The following GALNT13 variants were observed in gnomAD, a reference collection of about 807,000 sequenced individuals.
GALNT13 encodes UDP-GalNAc:polypeptide N-acetylgalactosaminyltransferase 13.
In GALNT13, 28 loss-of-function variants were observed where a neutral mutation model predicts 64.2. That is an observed-to-expected ratio of 0.44 (90% confidence interval 0.32 to 0.60). GALNT13 has a LOEUF of 0.60. Among genes scored for constraint, GALNT13 ranks in the 20% least tolerant of loss-of-function variants. The pLI, the probability that GALNT13 is intolerant of heterozygous loss-of-function variation, is 0.05. For missense variants in GALNT13, 577 were observed against 669.8 expected (o/e 0.86, Z 1.53); for synonymous variants, 214 against 224.6 (o/e 0.95, Z 0.42).
At chr2:154,284,206 A>G (rs1344726979) in intron 8 of GALNT13, among the ~76,000 whole-genome samples, 1 of 152,170 alleles carries the variant, frequency 6.6e-6, no homozygotes, top group Non-Finnish European at 1.5e-5. Flanking sequence ...AGTGCAATAG[A>G]TCACTAAAAC....
chr2:154,156,226 T>G (rs1364709535), intron 4 of GALNT13, among the ~76,000 whole-genome samples: 1 of 152,054 alleles, frequency 6.6e-6, no homozygotes, highest in African/African-American at 2.4e-5. Context: ...TTTATCATCA[T>G]ACTATATAAA....
At chr2:153,714,051 A>G in the GALNT13 span, among the ~76,000 whole-genome samples, 1 of 152,304 alleles carries the variant, frequency 6.6e-6, no homozygotes, top group South Asian at 2.1e-4. Context: ...AGGGCATTAG[A>G]TGATACCAGT....
the GALNT13 span, among the ~76,000 whole-genome samples, chr2:153,257,863 A>G: frequency 6.6e-6 from 1 of 152,204 alleles, no homozygotes; most frequent in Non-Finnish European, 1.5e-5. Context: ...TTTGACTGGA[A>G]TGGTGTGCTT....
At chr2:153,383,604 G>A in the GALNT13 span, among the ~76,000 whole-genome samples, 2 of 151,888 alleles carry the variant, frequency 1.3e-5, no homozygotes, top group Admixed American at 6.6e-5. Flanking sequence ...GCTTATCATT[G>A]GCTTTCTACT....
At chr2:153,929,551 A>C (rs774669435) in intron 2 of GALNT13, among the ~76,000 whole-genome samples, 4 of 151,988 alleles carry the variant, frequency 2.6e-5, no homozygotes, top group Non-Finnish European at 5.9e-5. Flanking sequence ...CTTTATGTCT[A>C]TGTGTACTCA....
intron 9 of GALNT13, among the ~76,000 whole-genome samples, chr2:154,383,333 G>C (rs1235125402): frequency 6.6e-6 from 1 of 151,728 alleles, no homozygotes; most frequent in Non-Finnish European, 1.5e-5. Context: ...CTCAGTAAAA[G>C]GTGCTATTAT....
At chr2:153,300,651 G>A in the GALNT13 span, among the ~76,000 whole-genome samples, 1 of 152,094 alleles carries the variant, frequency 6.6e-6, no homozygotes, top group Admixed American at 6.5e-5. Context: ...CTACTCTTTT[G>A]GAGGTTGTGG....
chr2:153,540,612 C>T, the GALNT13 span, among the ~76,000 whole-genome samples: 1 of 152,160 alleles, frequency 6.6e-6, no homozygotes, highest in South Asian at 2.1e-4. Context: ...AAAGCAGCCC[C>T]CGGGCCTGTA....
rs117045552 is a variant in GALNT13 at position 154,207,175 on chromosome 2, C to T, written c.312-34855C>T. ...AGTCTAAATCCCTAGCTAAGGTGTA[C>T]GTATCCCTGTGTAATTGAAATCTGG... On this transcript the variant is annotated intron_variant, in intron 4 of 12. Coordinates refer to ENST00000392825, the MANE Select transcript of GALNT13 (RefSeq NM_052917.4). Among the ~76,000 whole-genome samples, 41 of 152,272 alleles carry T rather than the reference C, an allele frequency of 2.7e-4. No homozygotes were observed. The East Asian group carries it at 5.0e-3, about 19-fold the overall frequency.
chr2:153,730,731 C>T, the GALNT13 span, among the ~76,000 whole-genome samples: 2 of 151,490 alleles, frequency 1.3e-5, no homozygotes, highest in African/African-American at 4.8e-5. Flanking sequence ...AAAAAGTTGG[C>T]AAAAAACATA....
chr2:153,154,245 T>G, the GALNT13 span, among the ~76,000 whole-genome samples: 24 of 152,104 alleles, frequency 1.6e-4, no homozygotes, highest in African/African-American at 5.5e-4. Flanking sequence ...AGTGAATAAG[T>G]CTTATGATAT....
the GALNT13 span, among the ~76,000 whole-genome samples, chr2:153,563,985 G>A: frequency 3.3e-5 from 5 of 151,800 alleles, no homozygotes; most frequent in South Asian, 8.3e-4. Context: ...AGAGTACTCC[G>A]CTTTCGTGTG....
chr2:153,963,267 T>C (rs945494424), intron 3 of GALNT13, among the ~76,000 whole-genome samples: 9 of 152,210 alleles, frequency 5.9e-5, no homozygotes, highest in Non-Finnish European at 1.0e-4. Context: ...ACCTCCATAC[T>C]GGGAAACATT....
At chr2:153,753,324 C>T in the GALNT13 span, among the ~76,000 whole-genome samples, 1 of 152,110 alleles carries the variant, frequency 6.6e-6, no homozygotes, top group Non-Finnish European at 1.5e-5. Flanking sequence ...TGTGGCTGGG[C>T]ATTGAAGAGT....
At chr2:153,774,207 A>G in the GALNT13 span, among the ~76,000 whole-genome samples, 2 of 152,132 alleles carry the variant, frequency 1.3e-5, no homozygotes, top group Non-Finnish European at 2.9e-5. Context: ...TAAATGTAAT[A>G]CATCATAAAT....
chr2:154,271,814 G>A (rs1691370578), intron 8 of GALNT13, among the ~76,000 whole-genome samples: 1 of 151,808 alleles, frequency 6.6e-6, no homozygotes, highest in African/African-American at 2.4e-5. Context: ...GGCCCAAAAT[G>A]TAAGTCTCTA....
chr2:153,109,223 G>GACATCT, the GALNT13 span, among the ~76,000 whole-genome samples: 1 of 152,100 alleles, frequency 6.6e-6, no homozygotes, highest in African/African-American at 2.4e-5. Flanking sequence ...TCGAAAAGCA[G>GACATCT]ACATCTACCT....
At chr2:153,804,710 T>C in the GALNT13 span, among the ~76,000 whole-genome samples, 2 of 152,292 alleles carry the variant, frequency 1.3e-5, no homozygotes, top group East Asian at 3.9e-4. Flanking sequence ...TTGTAACTGA[T>C]TTCATGTAAA....
chr2:153,886,079 A>C (rs1294911624), intron 1 of GALNT13, among the ~76,000 whole-genome samples: 1 of 152,012 alleles, frequency 6.6e-6, no homozygotes, highest in Non-Finnish European at 1.5e-5. Flanking sequence ...TACGTATACC[A>C]CAAAAATATA....
Sources: allele counts gnomAD v4.1 joint callset (sites outside exome capture counted in the v4.1 genomes callset), GRCh38; gene constraint gnomAD v4.1.1; transcripts MANE v1.5; gene names NCBI Gene and HGNC (gene_info 2026-07-23, HGNC 2026-07-21).